The following PTPRD variants were observed in gnomAD, a reference collection of about 807,000 sequenced individuals.
The protein encoded by PTPRD is protein tyrosine phosphatase receptor type D.
A neutral mutation model predicts 214.5 loss-of-function variants in PTPRD; 34 were observed. That is an observed-to-expected ratio of 0.16 (90% CI 0.12 to 0.21). The LOEUF (loss-of-function observed/expected upper bound fraction) is 0.21. Among genes scored for constraint, PTPRD ranks in the 10% least tolerant of loss-of-function variants. PTPRD has a pLI of 1.00. For synonymous variants in PTPRD, 1,128 were observed against 845.7 expected (o/e 1.33, Z -5.79); for missense variants, 2,545 against 2,398.7 (o/e 1.06, Z -1.27).
rs538310842 is a variant in PTPRD at position 10,221,785 on chromosome 9, G to T, written c.-545+119178C>A. Among the ~76,000 whole-genome samples the T allele has an allele frequency of 6.1e-5, 9 of 148,296 alleles. No homozygotes were observed. In the East Asian group the frequency reaches 1.4e-3, roughly 23 times the overall value. On this transcript the variant is annotated intron_variant, in intron 3 of 45. Transcript: ENST00000381196. ...AACTAGTGTTCATGGCTAAAAAACT[G>T]TTTTTTTTTTCCATTTCACTTCTTA...
chr9:9,545,131 C>G (rs943558163), intron 8 of PTPRD, among the ~76,000 whole-genome samples: 14 of 151,674 alleles, frequency 9.2e-5, no homozygotes, highest in African/African-American at 2.7e-4. Flanking sequence ...ATTGCTGAAC[C>G]TATGTTAACA....
chr9:10,051,246 A>G (rs192538765), intron 3 of PTPRD, among the ~76,000 whole-genome samples: 18 of 152,240 alleles, frequency 1.2e-4, no homozygotes, highest in Non-Finnish European at 2.5e-4. Context: ...TGTTTCGGGA[A>G]AACATGACTT....
chr9:9,221,161 C>T (rs1343814733), intron 9 of PTPRD, among the ~76,000 whole-genome samples: 2 of 152,010 alleles, frequency 1.3e-5, no homozygotes, highest in African/African-American at 4.8e-5. Flanking sequence ...CAACAATTTG[C>T]CTTGTTAACA....
chr9:10,017,258 T>C (rs2096738552), intron 4 of PTPRD, among the ~76,000 whole-genome samples: 1 of 152,196 alleles, frequency 6.6e-6, no homozygotes, highest in Non-Finnish European at 1.5e-5. Context: ...TATTAACTTG[T>C]AAAATTTGTC....
intron 3 of PTPRD, among the ~76,000 whole-genome samples, chr9:10,231,989 A>AGAGAGAGAGAGAGAGTGTGTGTGTGT (rs1245284728): frequency 3.2e-5 from 3 of 92,496 alleles, no homozygotes; most frequent in African/African-American, 1.6e-4. Context: ...AGAGAGAGAG[A>AGAGAGAGAGAGAGAGTGTGTGTGTGT]GTGTGTGTGT....
At chr9:9,522,202 G>A (rs1216166485) in intron 8 of PTPRD, among the ~76,000 whole-genome samples, 2 of 141,966 alleles carry the variant, frequency 1.4e-5, no homozygotes, top group Admixed American at 7.1e-5. Flanking sequence ...CTATAATTTT[G>A]CATATTCAGA....
chr9:9,024,210 G>A (rs1386583660), intron 10 of PTPRD, among the ~76,000 whole-genome samples: 1 of 151,562 alleles, frequency 6.6e-6, no homozygotes, highest in African/African-American at 2.4e-5. Flanking sequence ...ACTCTTCCAT[G>A]AGTATTTTTA....
At chr9:8,814,650 G>C (rs1200735769) in intron 11 of PTPRD, among the ~76,000 whole-genome samples, 1 of 152,196 alleles carries the variant, frequency 6.6e-6, no homozygotes, top group Non-Finnish European at 1.5e-5. Context: ...GCATGAGTTT[G>C]GAGAGCACAA....
At position 8,485,787 on chromosome 9, in the gene PTPRD, C is replaced by A; in HGVS notation, c.3030G>T (p.Gln1010His). The change falls in exon 28 of 46, where the codon CAG (glutamine) becomes CAT (histidine). Residue 1010 changes from glutamine to histidine, a missense_variant. Transcript: ENST00000381196. ...KGPGPYSPSV[Q>H]FRTLPVDQVF... ...CTTGATCCACAGGCAGTGTCCTGAACTGGACACTGGGACTATATGGCCCGG... is the reference window on the plus strand; with the variant it reads ...CTTGATCCACAGGCAGTGTCCTGAAATGGACACTGGGACTATATGGCCCGG... 1 of 1,613,332 alleles carries A rather than the reference C, an allele frequency of 6.2e-7. No individual in the cohort carries two copies. The highest frequency in any genetic ancestry group is 8.5e-7 in the Non-Finnish European group (1 of 1,179,840).
At chr9:9,319,844 T>C (rs939621623) in intron 9 of PTPRD, among the ~76,000 whole-genome samples, 1 of 152,164 alleles carries the variant, frequency 6.6e-6, no homozygotes, top group Non-Finnish European at 1.5e-5. Flanking sequence ...TAATTTACAA[T>C]TTAATTTAGC....
chr9:10,111,530 G>A (rs532758699), intron 3 of PTPRD, among the ~76,000 whole-genome samples: 10 of 152,012 alleles, frequency 6.6e-5, no homozygotes, highest in African/African-American at 1.2e-4. Flanking sequence ...GAGCCACCGC[G>A]CCCGGCCCCA....
At chr9:8,617,511 T>C (rs2095653176) in intron 14 of PTPRD, among the ~76,000 whole-genome samples, 2 of 152,140 alleles carry the variant, frequency 1.3e-5, no homozygotes, top group South Asian at 4.1e-4. Flanking sequence ...GTCCCAACTT[T>C]TAAAATTTAC....
At chr9:8,755,046 C>T (rs907903732) in intron 11 of PTPRD, among the ~76,000 whole-genome samples, 7 of 152,042 alleles carry the variant, frequency 4.6e-5, no homozygotes, top group Admixed American at 1.3e-4. Flanking sequence ...ATCAGAAACT[C>T]GACACCAGTA....
At chr9:9,755,449 A>AG (rs778129056) in intron 6 of PTPRD, among the ~76,000 whole-genome samples, 4 of 152,070 alleles carry the variant, frequency 2.6e-5, no homozygotes, top group Non-Finnish European at 5.9e-5. Flanking sequence ...AATAAGGCAG[A>AG]GCTCCTCAAA....
In PTPRD at chr9:8,316,506, A is replaced by G. The variant is rs542726146; in HGVS notation, c.*1368T>C. 6 of 230,362 alleles carry G rather than the reference A, an allele frequency of 2.6e-5. No homozygotes were observed. Among genetic ancestry groups the G allele is most frequent in the Admixed American group, 1.1e-4 (2 of 17,686 alleles). The allele number at this position is 230,362 out of a possible 1,614,324, so 14.3% of individuals were successfully genotyped here. ...TTTCATAGCACATACTATAGACAAT[A>G]TACGATTGAATACACTTTTTTTAAA... On this transcript the variant is annotated 3_prime_UTR_variant, in exon 46 of 46. Transcript: ENST00000381196.
intron 14 of PTPRD, among the ~76,000 whole-genome samples, chr9:8,576,688 T>C (rs1424991139): frequency 6.6e-6 from 1 of 150,490 alleles, no homozygotes; most frequent in Non-Finnish European, 1.5e-5. Flanking sequence ...CCTAAGTATC[T>C]CTAGTTGCAT....
chr9:8,427,690 A>AT (rs199567918), intron 35 of PTPRD, among the ~76,000 whole-genome samples: 10,705 of 151,696 alleles, frequency 0.071, 570 homozygotes, highest in African/African-American at 0.15. Context: ...GATTATTATT[A>AT]TTATTTTTTT....
Position 10,454,880 on chromosome 9 carries a change from A to G in PTPRD, c.-599-113863T>C, listed in dbSNP as rs550448615. Among the ~76,000 whole-genome samples the G allele has an allele frequency of 4.0e-5, 6 of 151,758 alleles. No homozygotes were observed. The South Asian group carries it at 8.3e-4, about 21-fold the overall frequency. ...GAAAACTCTAAGAGTGGTCCTAAAG[A>G]TGAAACAAAGTGATCAAATGTACTG... On this transcript the variant is annotated intron_variant, in intron 2 of 45. Coordinates refer to ENST00000381196, the MANE Select transcript of PTPRD (RefSeq NM_002839.4).
At chr9:10,386,425 G>C (rs2154487237) in intron 2 of PTPRD, among the ~76,000 whole-genome samples, 1 of 151,856 alleles carries the variant, frequency 6.6e-6, no homozygotes, top group South Asian at 2.1e-4. Flanking sequence ...ATCACATAGG[G>C]TTGAGGAAAT....
Sources: allele counts gnomAD v4.1 joint callset (sites outside exome capture counted in the v4.1 genomes callset), GRCh38; gene constraint gnomAD v4.1.1; transcripts MANE v1.5; gene names NCBI Gene and HGNC (gene_info 2026-07-23, HGNC 2026-07-21).